SFSWAP: variants seen among roughly 807,000 people sequenced by gnomAD.
The protein encoded by SFSWAP is splicing factor SWAP, also known as splicing factor, suppressor of white-apricot homolog.
SFSWAP carries 17 observed loss-of-function variants against 100.7 expected under a neutral mutation model. The observed-to-expected ratio is 0.17, with a 90% CI of 0.12 to 0.25. The LOEUF (loss-of-function observed/expected upper bound fraction) is 0.25. Ranked by LOEUF, SFSWAP falls within the 10% of genes least tolerant of loss-of-function variation. SFSWAP has a pLI of 1.00. For missense variants in SFSWAP, 1,005 were observed against 1,262.6 expected (o/e 0.80, Z 3.09); for synonymous variants, 504 against 510.1 (o/e 0.99, Z 0.16).
intron 10 of SFSWAP, 101 bp downstream of exon 10, chr12:131,755,580 T>G: frequency 1.3e-6 from 1 of 769,168 alleles, no homozygotes; most frequent in Non-Finnish European, 2.2e-6. Context: ...GTGAAAGGGC[T>G]GGGTGATTCT....
chr12:131,725,557 T>C lies in SFSWAP; in HGVS notation c.759T>C (p.Tyr253=). The stretch of plus-strand genomic sequence containing the variant: ...TCGACCACTACCTCAACCCCTACTA[T>C]AAGTTCATCCAGAAAGCCATGAAAG... ...LRFDHYLNPY[Y]KFIQKAMKEG... is the part of the protein sequence containing the mutation. Residue 253 remains tyrosine, a synonymous_variant, in exon 5 of 18, where the codon TAT becomes TAC. Transcript: ENST00000261674. The surrounding 1 kb of genome is among the most constrained non-coding windows in gnomAD (Gnocchi z 4.3). 1.2e-6 allele frequency: 2 copies of C among 1,614,018 alleles called. No homozygotes were observed. The highest frequency in any genetic ancestry group is 3.3e-5 in the Admixed American group (2 of 60,006).
chr12:131,729,504 A>T (rs922167538), intron 7 of SFSWAP, among the ~76,000 whole-genome samples: 1 of 152,230 alleles, frequency 6.6e-6, no homozygotes, highest in African/African-American at 2.4e-5. Context: ...ACCCTGTCTC[A>T]AAAAGAAGAA....
chr12:131,711,792 G>T lies in SFSWAP; in HGVS notation c.218+345G>T. 2 of 260,900 alleles carry T rather than the reference G, an allele frequency of 7.7e-6. No individual in the cohort carries two copies. Among genetic ancestry groups the T allele is most frequent in the Non-Finnish European group, 1.5e-5 (2 of 133,142 alleles). 16.2% of individuals were successfully genotyped at this position (260,900 alleles called of 1,614,324 possible). ...AGGGTCTTTTCCTGAGTGCACCTGGGCCTGCCGCCCGGCGATGCCATGGGG... is the reference window on the plus strand; with the variant it reads ...AGGGTCTTTTCCTGAGTGCACCTGGTCCTGCCGCCCGGCGATGCCATGGGG... On this transcript the variant is annotated intron_variant, in intron 1 of 17. Transcript: ENST00000261674. This position sits in a 1 kb window ranked among gnomAD's most constrained non-coding sequence, Gnocchi z 4.9.
intron 7 of SFSWAP, 47 bp from the exon 8 acceptor site, chr12:131,753,076 C>A: frequency 6.2e-7 from 1 of 1,605,706 alleles, no homozygotes; most frequent in South Asian, 1.1e-5. Flanking sequence ...ACTCATGGAC[C>A]AGCCTGTGGC....
Position 131,780,066 on chromosome 12 carries a change from G to A in SFSWAP, c.2408+1736G>A, listed in dbSNP as rs139583875. Among the ~76,000 whole-genome samples, 387 of 152,302 alleles carry A rather than the reference G, an allele frequency of 2.5e-3. 4 individuals carry two copies. Among genetic ancestry groups the A allele is most frequent in the Non-Finnish European group, 3.5e-3 (237 of 68,030 alleles). ...CTCCCACAGTGCTGGGGTTACAGGC[G>A]TGAGCCACTGTGCCCAGCCTGCTTT... is the stretch of plus-strand genomic sequence containing the variant. On this transcript the variant is annotated intron_variant, in intron 14 of 17. Coordinates refer to ENST00000261674, the MANE Select transcript of SFSWAP (RefSeq NM_004592.4).
In SFSWAP at chr12:131,719,679, A is replaced by G. The variant is rs1394222560; in HGVS notation, c.606+140A>G. 7.4e-6 allele frequency: 5 copies of G among 672,324 alleles called. No individual in the cohort carries two copies. The East Asian group carries it at 1.4e-4, about 18-fold the overall frequency. The allele number at this position is 672,324 out of a possible 1,614,324, so 41.6% of individuals were successfully genotyped here. On this transcript the variant is annotated intron_variant, in intron 4 of 17. Transcript: ENST00000261674. Reference sequence around the variant, plus strand: ...AAATGGTTTGTGAGTTAATGGAGAAAAAGATCACACCCTATTTATTTTCCC... The same window carrying G: ...AAATGGTTTGTGAGTTAATGGAGAAGAAGATCACACCCTATTTATTTTCCC...
intron 11 of SFSWAP, among the ~76,000 whole-genome samples, chr12:131,763,239 G>C (rs1038139442): frequency 2.6e-5 from 4 of 152,224 alleles, no homozygotes; most frequent in African/African-American, 9.6e-5. Flanking sequence ...CTGTGCTACA[G>C]AGGTGGCATC....
At chr12:131,798,886 G>A (rs1390895939) in intron 16 of SFSWAP, 151 bp from the exon 17 acceptor site, 3 of 620,858 alleles carry the variant, frequency 4.8e-6, no homozygotes, top group Non-Finnish European at 8.6e-6. Context: ...TGAAACTCTT[G>A]TCTGGAAAAA....
chr12:131,748,633 T>C (rs1881352003), intron 7 of SFSWAP, among the ~76,000 whole-genome samples: 1 of 152,216 alleles, frequency 6.6e-6, no homozygotes, highest in South Asian at 2.1e-4. Flanking sequence ...TGGCTCTGAT[T>C]TTTGCAAGAA....
At chr12:131,785,259 TTC>T in intron 14 of SFSWAP, 8 of 1,518,180 alleles carry the variant, frequency 5.3e-6, no homozygotes, top group Non-Finnish European at 7.0e-6. Flanking sequence ...TTATCATCTG[TTC>T]TGTAAATCTT....
intron 14 of SFSWAP, chr12:131,783,696 G>A (rs2061235): frequency 0.72 from 107,538 of 149,202 alleles, 42,576 homozygotes; most frequent in East Asian, 0.96. Flanking sequence ...GGAGAATGGC[G>A]TGAACCCGGG....
At chr12:131,769,105 C>T (rs370834133) in intron 13 of SFSWAP, among the ~76,000 whole-genome samples, 5 of 144,802 alleles carry the variant, frequency 3.5e-5, no homozygotes, top group East Asian at 2.1e-4. Context: ...CCAGCCTGGG[C>T]GACAGAGCGA....
chr12:131,763,124 G>A (rs1166372511), intron 11 of SFSWAP, among the ~76,000 whole-genome samples: 1 of 152,154 alleles, frequency 6.6e-6, no homozygotes, highest in East Asian at 1.9e-4. Flanking sequence ...CAGAGGGTCT[G>A]GGCTATCACA....
chr12:131,767,855 A>T (rs1167849461), intron 13 of SFSWAP, among the ~76,000 whole-genome samples: 2 of 152,098 alleles, frequency 1.3e-5, no homozygotes, highest in Non-Finnish European at 2.9e-5. Flanking sequence ...GGGAGGGAGG[A>T]GGGTGAAGAT....
chr12:131,775,285 C>T (rs1047752106), intron 13 of SFSWAP, among the ~76,000 whole-genome samples: 1 of 152,186 alleles, frequency 6.6e-6, no homozygotes, highest in Non-Finnish European at 1.5e-5. Context: ...CTCAGCTCTC[C>T]TTCTCTTCAG....
chr12:131,785,426 T>C (rs575282041), intron 14 of SFSWAP: 7 of 480,898 alleles, frequency 1.5e-5, no homozygotes, highest in Non-Finnish European at 2.6e-5. Flanking sequence ...TGATTCAACG[T>C]AGAACTTTTT....
At chr12:131,798,865 G>C (rs1885865993) in intron 16 of SFSWAP, among the ~76,000 whole-genome samples, 172 bp from the exon 17 acceptor site, 1 of 152,090 alleles carries the variant, frequency 6.6e-6, no homozygotes, top group African/African-American at 2.4e-5. Flanking sequence ...ACTCCAGCCT[G>C]GGTGACAGAG....
rs549963139 is a variant in SFSWAP at position 131,734,020 on chromosome 12, T to C, written c.1081+5592T>C. ...CCCTGTGTGTGGCTTGCCACCATCA[T>C]TTGGGAACTATTCTTCTGTCCTAGG... On this transcript the variant is annotated intron_variant, in intron 7 of 17. Coordinates refer to ENST00000261674, the MANE Select transcript of SFSWAP (RefSeq NM_004592.4). The surrounding 1 kb of genome is among the most constrained non-coding windows in gnomAD (Gnocchi z 4.9). 4.1e-4 allele frequency among the ~76,000 whole-genome samples: 62 copies of C among 152,280 alleles called. No individual in the cohort carries two copies. The highest frequency in any genetic ancestry group is 3.2e-3 in the Admixed American group (49 of 15,304).
intron 7 of SFSWAP, among the ~76,000 whole-genome samples, chr12:131,738,975 C>CCTCAAACTCCCAGG (rs71072786): frequency 6.9e-6 from 1 of 145,824 alleles, no homozygotes; most frequent in Non-Finnish European, 1.5e-5. Flanking sequence ...CTCACTGCAA[C>CCTCAAACTCCCAGG]CTCAAGCTAT....
Sources: gnomAD v4.1 joint callset for allele counts (sites outside exome capture counted in the v4.1 genomes callset) on GRCh38, gnomAD v4.1.1 for gene constraint, Gnocchi (gnomAD v3.1) non-coding constraint, MANE v1.5 for transcripts, NCBI Gene and HGNC (gene_info 2026-07-23, HGNC 2026-07-21) for gene names.